The following PKHD1L1 variants were observed in gnomAD, a reference collection of about 807,000 sequenced individuals.
The protein encoded by PKHD1L1 is PKHD1 like 1, also known as fibrocystin-L.
Under a neutral mutation model 462.9 loss-of-function variants are expected in PKHD1L1, and 434 were observed. The observed-to-expected ratio is 0.94, with a 90% CI of 0.87 to 1.02. The LOEUF is 1.02. Among genes scored for constraint, PKHD1L1 ranks in the 50% least tolerant of loss-of-function variants. The pLI is 0.00. For synonymous variants in PKHD1L1, 1,781 were observed against 1,750.0 expected (o/e 1.02, Z -0.44); for missense variants, 5,202 against 5,096.1 (o/e 1.02, Z -0.63).
At chr8:109,362,755 C>G (rs1811044671) in intron 1 of PKHD1L1, 102 bp downstream of exon 1, 2 of 1,317,988 alleles carry the variant, frequency 1.5e-6, no homozygotes, top group African/African-American at 2.9e-5. Flanking sequence ...TGGCACCTGG[C>G]TGAGGCTGTG....
chr8:109,387,160 G>C (rs1344582464), intron 6 of PKHD1L1, among the ~76,000 whole-genome samples: 2 of 152,066 alleles, frequency 1.3e-5, no homozygotes, highest in Non-Finnish European at 2.9e-5. Context: ...GTTCTGGGCA[G>C]GAATTCAGGA....
intron 8 of PKHD1L1, among the ~76,000 whole-genome samples, chr8:109,389,499 AGTGTGTGTGTGTGT>A (rs55680302): frequency 0.16 from 22,453 of 140,804 alleles, 1,930 homozygotes; most frequent in South Asian, 0.25. Context: ...ATCTTTTAAG[AGTGTGTGTGTGTGT>A]GTGTGTGTGT....
Position 109,530,538 on chromosome 8 carries a change from T to C in PKHD1L1, c.*448T>C, listed in dbSNP as rs1283939003. Among the ~76,000 whole-genome samples the C allele has an allele frequency of 7.9e-5, 12 of 152,116 alleles. No homozygotes were observed. Among genetic ancestry groups the C allele is most frequent in the Non-Finnish European group, 1.5e-5 (1 of 68,018 alleles). On this transcript the variant is annotated 3_prime_UTR_variant, in exon 78 of 78. Coordinates refer to ENST00000378402, the MANE Select transcript of PKHD1L1 (RefSeq NM_177531.6). ...TGATTTCCAATAATCTAAGCCATTC[T>C]AGTTTCTAAGGATTTTGGAGAGACG... is the stretch of plus-strand genomic sequence containing the variant.
At chr8:109,476,255 G>A (rs1817981202) in intron 51 of PKHD1L1, among the ~76,000 whole-genome samples, 1 of 151,364 alleles carries the variant, frequency 6.6e-6, no homozygotes, top group African/African-American at 2.4e-5. Context: ...TAATGTATAT[G>A]TATTTATATA....
At chr8:109,394,816 T>G (rs954115105) in intron 10 of PKHD1L1, among the ~76,000 whole-genome samples, 4 of 152,254 alleles carry the variant, frequency 2.6e-5, no homozygotes, top group African/African-American at 9.6e-5. Flanking sequence ...AAAACCAGTA[T>G]AGATGCCTCT....
At position 109,445,175 on chromosome 8, in the gene PKHD1L1, GAGA is replaced by G. The variant is rs779232899; in HGVS notation, c.5309_5311del (p.Glu1770del). The G allele has an allele frequency of 3.1e-6, 5 of 1,613,814 alleles. No homozygotes were observed. The African/African-American group carries it at 5.3e-5, about 17-fold the overall frequency. ...GGATCTGTAAAAGTTCTTATTGAAG[GAGA>G]AGGTTTGGGGACTGTTTTGGAGGAC... On this transcript the variant is annotated inframe_deletion, in exon 38 of 78. Transcript: ENST00000378402.
Position 109,381,468 on chromosome 8 carries a change from G to A in PKHD1L1, c.262G>A (p.Val88Ile). ...ISSFQSITCD[V>I]EKDASHSTQI... ...TTCTTTCCAGTCAATTACTTGTGAT[G>A]TAGAAAAAGATGCAAGTCATTCAAC... The change falls in exon 3 of 78, where the codon GTA (valine) becomes ATA (isoleucine). Residue 88 changes from valine to isoleucine, a missense_variant. By Grantham distance (29) the Val-to-Ile change is conservative (BLOSUM62 3). Transcript: ENST00000378402. The A allele has an allele frequency of 1.3e-6, 2 of 1,584,326 alleles. No homozygotes were observed. The highest frequency in any genetic ancestry group is 1.1e-5 in the South Asian group (1 of 87,168).
chr8:109,410,726 C>CTTTTTTTTTTTTTTTTTTGTTTTTTTTTT lies in PKHD1L1; in HGVS notation c.2085+766_2085+767insGTTTTTTTTTTTTTTTTTTTTTTTTTTTT, dbSNP rs1813800320. Among the ~76,000 whole-genome samples the CTTTTTTTTTTTTTTTTTTGTTTTTTTTTT allele has an allele frequency of 2.0e-4, 14 of 68,386 alleles. 1 individual carries two copies. The highest frequency in any genetic ancestry group is 1.7e-3 in the Admixed American group (9 of 5,200). 44.9% of individuals were successfully genotyped at this position (68,386 alleles called of 152,430 possible). ...TTCTTTTTTCTTTTCTTTTCTTTTTCTTTTTTTTTTTTTTTTTTTTTGAGA... is the reference window on the plus strand; with the variant it reads ...TTCTTTTTTCTTTTCTTTTCTTTTTCTTTTTTTTTTTTTTTTTTGTTTTTTTTTTTTTTTTTTTTTTTTTTTTTTTGAGA... On this transcript the variant is annotated intron_variant, in intron 19 of 77. Coordinates refer to ENST00000378402, the MANE Select transcript of PKHD1L1 (RefSeq NM_177531.6).
intron 43 of PKHD1L1, 63 bp downstream of exon 43, chr8:109,452,937 A>G: frequency 8.2e-7 from 1 of 1,225,158 alleles, no homozygotes; most frequent in South Asian, 2.7e-5. Flanking sequence ...AAACTGATTT[A>G]ATCAAAATCC....
At chr8:109,386,612 GA>G (rs1209331927) in intron 6 of PKHD1L1, among the ~76,000 whole-genome samples, 7 of 152,044 alleles carry the variant, frequency 4.6e-5, no homozygotes, top group South Asian at 2.1e-4. Flanking sequence ...TATAATTTCT[GA>G]AAATATTCAT....
At position 109,456,118 on chromosome 8, in the gene PKHD1L1, C is replaced by T. The variant is rs944610720; in HGVS notation, c.6875-144C>T. 16 of 804,630 alleles carry T rather than the reference C, an allele frequency of 2.0e-5. No individual in the cohort carries two copies. In the African/African-American group the frequency reaches 2.6e-4, roughly 13 times the overall value. The allele number at this position is 804,630 out of a possible 1,614,324, so 49.8% of individuals were successfully genotyped here. A position where few individuals can be genotyped will look rare whatever the true frequency, so the allele number is the denominator to read the frequency against. On this transcript the variant is annotated intron_variant, in intron 45 of 77. Coordinates refer to ENST00000378402, the MANE Select transcript of PKHD1L1 (RefSeq NM_177531.6). ...TATAAAGCAAGCATTCTACATATTT[C>T]TTTTTGGAGAAATGTGTGAAATGCT...
In PKHD1L1 at chr8:109,426,972, C is replaced by T. The variant is rs748991079; in HGVS notation, c.2846-30C>T. On this transcript the variant is annotated intron_variant, in intron 24 of 77. Transcript: ENST00000378402. The stretch of plus-strand genomic sequence containing the variant: ...CCGGCCCGTTTGTGAATTGTGACTC[C>T]TGCTGTTTGCCACCCCTCTGTGAGT... 30 of 1,211,734 alleles carry T rather than the reference C, an allele frequency of 2.5e-5. No homozygotes were observed. In the East Asian group the frequency reaches 6.5e-4, roughly 26 times the overall value. 75.1% of individuals were successfully genotyped at this position (1,211,734 alleles called of 1,614,324 possible). A position where few individuals can be genotyped will look rare whatever the true frequency, so the allele number is the denominator to read the frequency against.
Position 109,442,996 on chromosome 8 carries a change from G to C in PKHD1L1, c.4444G>C (p.Gly1482Arg). ...TSPGIHYYSSGYVDEAHSIFL... is the reference protein window; with the variant it reads ...TSPGIHYYSSRYVDEAHSIFL... The stretch of plus-strand genomic sequence containing the variant: ...TCCTGGAATCCATTATTATAGCAGC[G>C]GGTATGTTGATGAGGCTCACTCCAT... Residue 1482 changes from glycine to arginine, a missense_variant, in exon 36 of 78, where the codon GGG (glycine) becomes CGG (arginine). Physicochemically the swap from Gly to Arg is moderately radical, Grantham distance 125 (BLOSUM62 -2). Transcript: ENST00000378402. The C allele has an allele frequency of 6.2e-7, 1 of 1,613,416 alleles. No homozygotes were observed. Among genetic ancestry groups the C allele is most frequent in the Non-Finnish European group, 8.5e-7 (1 of 1,179,570 alleles).
chr8:109,483,001 C>A lies in PKHD1L1; in HGVS notation c.9472C>A (p.Leu3158Met). ...TTCTTCTTTAGGGGTGTTTGGTGAG[C>A]TGGATCTTCATGGAATTCCACATTC... Reference protein sequence around the residue: ...GAKVLGVFGELDLHGIPHSIY... With the variant: ...GAKVLGVFGEMDLHGIPHSIY... Residue 3158 changes from leucine (L) to methionine (M), a missense_variant, in exon 57 of 78, where the codon CTG (leucine) becomes ATG (methionine). By Grantham distance (15) the Leu-to-Met change is conservative. Transcript: ENST00000378402. 1 of 1,590,468 alleles carries A rather than the reference C, an allele frequency of 6.3e-7. No homozygotes were observed. The highest frequency in any genetic ancestry group is 1.4e-5 in the African/African-American group (1 of 73,374).
At chr8:109,509,708 T>TC (rs901314860) in intron 70 of PKHD1L1, among the ~76,000 whole-genome samples, 124 of 152,098 alleles carry the variant, frequency 8.2e-4, no homozygotes, top group African/African-American at 2.8e-3. Context: ...ATGTTTGTTT[T>TC]CAAAACCCAC....
chr8:109,450,229 G>A (rs894843319), intron 40 of PKHD1L1, among the ~76,000 whole-genome samples: 2 of 151,954 alleles, frequency 1.3e-5, no homozygotes, highest in African/African-American at 4.8e-5. Context: ...TGGTACTTTG[G>A]ACAACAAAAC....
intron 7 of PKHD1L1, 57 bp from the exon 8 acceptor site, chr8:109,389,022 A>T (rs559821750): frequency 1.7e-6 from 2 of 1,172,860 alleles, no homozygotes; most frequent in South Asian, 2.9e-5. Flanking sequence ...AGAGAAACAC[A>T]ATATTCTAAA....
rs766109716 is a variant in PKHD1L1 at position 109,485,043 on chromosome 8, G to C, written c.9577-1G>C. 1.3e-6 allele frequency: 2 copies of C among 1,565,862 alleles called. No homozygotes were observed. The highest frequency in any genetic ancestry group is 4.0e-5 in the Admixed American group (2 of 50,274). ...AAATTTGGCACTTGAATTTTTCTAAGGAGGGAGAAGAGATTGTGATAACAA... is the reference window on the plus strand; with the variant it reads ...AAATTTGGCACTTGAATTTTTCTAACGAGGGAGAAGAGATTGTGATAACAA... On this transcript the variant is annotated splice_acceptor_variant, in intron 57 of 77. Coordinates refer to ENST00000378402, the MANE Select transcript of PKHD1L1 (RefSeq NM_177531.6). LOFTEE classifies it high-confidence loss of function.
At chr8:109,395,549 C>T (rs1475156158) in intron 10 of PKHD1L1, among the ~76,000 whole-genome samples, 1 of 152,060 alleles carries the variant, frequency 6.6e-6, no homozygotes, top group East Asian at 1.9e-4. Context: ...TAAGAATCTG[C>T]CATATGTCAT....
Sources: allele counts gnomAD v4.1 joint callset (sites outside exome capture counted in the v4.1 genomes callset), GRCh38; gene constraint gnomAD v4.1.1; transcripts MANE v1.5; gene names NCBI Gene and HGNC (gene_info 2026-07-23, HGNC 2026-07-21).